LMBRD2: variants seen among roughly 807,000 people sequenced by gnomAD.
LMBRD2 encodes G protein-coupled receptor-associated protein LMBRD2.
In LMBRD2, 55 loss-of-function variants were observed where a neutral mutation model predicts 94.4. The ratio of observed to expected loss-of-function variants is 0.58; its 90% confidence interval spans 0.47 to 0.73. The LOEUF (loss-of-function observed/expected upper bound fraction) is 0.73, where lower values mean the gene tolerates loss of function less well. Ranked by LOEUF, LMBRD2 falls within the 30% of genes least tolerant of loss-of-function variation. The pLI is 0.00. For synonymous variants in LMBRD2, 246 were observed against 272.4 expected, an observed-to-expected ratio of 0.90 and a Z score of 0.95; for missense variants, 640 against 831.9, an observed-to-expected ratio of 0.77 and a Z score of 2.84.
intron 1 of LMBRD2, among the ~76,000 whole-genome samples, chr5:36,144,699 A>G (rs1294528856): frequency 1.3e-5 from 2 of 152,158 alleles, no homozygotes; most frequent in Non-Finnish European, 2.9e-5. Flanking sequence ...TAAATAAATA[A>G]ATAACAAAAT....
chr5:36,146,939 T>TGTGA (rs1561525362), intron 1 of LMBRD2, among the ~76,000 whole-genome samples: 1 of 122,134 alleles, frequency 8.2e-6, no homozygotes, highest in Non-Finnish European at 1.5e-5. Flanking sequence ...TGTGTGTGTG[T>TGTGA]GAGTGTGTGT....
intron 9 of LMBRD2, among the ~76,000 whole-genome samples, chr5:36,121,415 A>G (rs550466082): frequency 6.6e-6 from 1 of 152,360 alleles, no homozygotes; most frequent in African/African-American, 2.4e-5. Context: ...TAAAATAAAT[A>G]AGGTAAATAG....
At position 36,109,961 on chromosome 5, in the gene LMBRD2, CCTT is replaced by C. The variant is rs1328544387; in HGVS notation, c.1772_1774del (p.Glu591del). ...TGTACTTACTCTTCTTCGATTTTCACCTTCTTCTTGCCTTTGCCTTTTTCTCTT... is the reference window on the plus strand; with the variant it reads ...TGTACTTACTCTTCTTCGATTTTCACCTTCTTGCCTTTGCCTTTTTCTCTT... On this transcript the variant is annotated inframe_deletion, in exon 15 of 18. Transcript: ENST00000296603. 1.2e-6 allele frequency: 2 copies of C among 1,606,774 alleles called. No homozygotes were observed. Among genetic ancestry groups the C allele is most frequent in the Non-Finnish European group, 1.7e-6 (2 of 1,174,346 alleles).
rs1417198849 is a variant in LMBRD2, at chr5:36,099,735, A to G, written c.*4311T>C. 6.6e-6 allele frequency: 1 copy of G among 152,178 alleles called. No individual in the cohort carries two copies. The highest frequency in any genetic ancestry group is 1.5e-5 in the Non-Finnish European group (1 of 68,012). The allele number at this position is 152,178 out of a possible 1,614,324, so 9.4% of individuals were successfully genotyped here. A position where few individuals can be genotyped will look rare whatever the true frequency, so the allele number is the denominator to read the frequency against. On this transcript the variant is annotated 3_prime_UTR_variant, in exon 18 of 18. Transcript: ENST00000296603. ...ACCAAAAAAGGAAATATTTTCAGTG[A>G]AAAAAAGTTAATTTTTCCCAAGGAG... is the stretch of plus-strand genomic sequence containing the variant.
chr5:36,124,896 A>C (rs1440461838), intron 6 of LMBRD2, among the ~76,000 whole-genome samples: 1 of 152,106 alleles, frequency 6.6e-6, no homozygotes, highest in Non-Finnish European at 1.5e-5. Flanking sequence ...CAAAAATACA[A>C]ACATTAGCCA....
In LMBRD2 at chr5:36,100,561, G is replaced by A. The variant is rs1405444918; in HGVS notation, c.*3485C>T. ...AGAAAGGTATAAAGGAATGAGAGAG[G>A]ACATAAGAAAAGAAAGACAAAACCC... On this transcript the variant is annotated 3_prime_UTR_variant, in exon 18 of 18. Coordinates refer to ENST00000296603, the MANE Select transcript of LMBRD2 (RefSeq NM_001007527.2). 6.6e-6 allele frequency: 1 copy of A among 151,976 alleles called. No homozygotes were observed. Among genetic ancestry groups the A allele is most frequent in the East Asian group, 1.9e-4 (1 of 5,182 alleles). The allele number at this position is 151,976 out of a possible 1,614,324, so 9.4% of individuals were successfully genotyped here.
intron 1 of LMBRD2, among the ~76,000 whole-genome samples, chr5:36,150,417 T>C (rs1744664252): frequency 6.6e-6 from 1 of 152,260 alleles, no homozygotes; most frequent in South Asian, 2.1e-4. Context: ...ATTCTCATTA[T>C]GGCATCTTAA....
intron 7 of LMBRD2, among the ~76,000 whole-genome samples, chr5:36,123,740 T>C (rs903694819): frequency 1.1e-4 from 16 of 150,098 alleles, no homozygotes; most frequent in Non-Finnish European, 2.2e-4. Context: ...TATAGTTAAA[T>C]ATAGTATAGT....
chr5:36,111,282 A>G, intron 13 of LMBRD2, 24 bp from the exon 14 acceptor site: 1 of 1,418,640 alleles, frequency 7.0e-7, no homozygotes, highest in Non-Finnish European at 9.9e-7. Flanking sequence ...ATTTTTTAAA[A>G]AGACAAACAT....
At chr5:36,104,932 G>C in intron 17 of LMBRD2, 136 bp downstream of exon 17, 1 of 785,968 alleles carries the variant, frequency 1.3e-6, no homozygotes, top group Non-Finnish European at 2.0e-6. Flanking sequence ...TTTATTGTTA[G>C]TGAAAATGAA....
intron 6 of LMBRD2, among the ~76,000 whole-genome samples, chr5:36,135,659 A>C (rs921942578): frequency 6.6e-6 from 1 of 152,312 alleles, no homozygotes; most frequent in East Asian, 1.9e-4. Flanking sequence ...TTTCCCTGGG[A>C]AGCAAAAATG....
At position 36,136,404 on chromosome 5, in the gene LMBRD2, T is replaced by C; in HGVS notation, c.652A>G (p.Lys218Glu). ...GTTTTCATAAGTAGATAACCCCTTT[T>C]TGCTCCATTCCAGTATGATCGAGGA... Reference protein sequence around the residue: ...EIPRSYWNGAKRGYLLMKTYF... With the variant: ...EIPRSYWNGAERGYLLMKTYF... The change falls in exon 6 of 18, where the codon AAA (lysine) becomes GAA (glutamate). Residue 218 changes from lysine (K) to glutamate (E), a missense_variant. Around this residue, in one of 2 missense-constraint regions of LMBRD2, gnomAD observed 457 missense variants for 642.8 expected, o/e 0.71. Transcript: ENST00000296603. 1 of 1,614,100 alleles carries C rather than the reference T, an allele frequency of 6.2e-7. No homozygotes were observed. The highest frequency in any genetic ancestry group is 8.5e-7 in the Non-Finnish European group (1 of 1,179,944).
intron 7 of LMBRD2, 74 bp downstream of exon 7, chr5:36,124,117 C>A: frequency 1.2e-6 from 1 of 841,982 alleles, no homozygotes; most frequent in South Asian, 1.9e-5. Context: ...TGTTTTCATA[C>A]TTTTCTGGTA....
rs1260270569 is a variant in LMBRD2, at chr5:36,104,084, G to A, written c.2050C>T (p.Leu684Phe). The stretch of plus-strand genomic sequence containing the variant: ...AATATGTCACTGCGAGACATCGAGA[G>A]ATATCGTCCACCAGGCTGATACCTA... ...SGRYQPGGRY[L>F]SMSRSDIFND... Residue 684 changes from leucine (L) to phenylalanine (F), a missense_variant, in exon 18 of 18, where the codon CTC (leucine) becomes TTC (phenylalanine). This residue lies in a region of LMBRD2 where 183 missense variants were observed against 189.1 expected (regional missense o/e 0.97). Transcript: ENST00000296603. 1 of 1,610,544 alleles carries A rather than the reference G, an allele frequency of 6.2e-7. No homozygotes were observed. The highest frequency in any genetic ancestry group is 1.3e-5 in the African/African-American group (1 of 74,826).
In LMBRD2 at chr5:36,136,332, C is replaced by T; in HGVS notation, c.724G>A (p.Glu242Lys). ...ACCTCCATGGCATCTTCCAAATTCT[C>T]TTCTGCATCTGCTTTCTCTGTCATC... is the stretch of plus-strand genomic sequence containing the variant. ...KLMTEKADAE[E>K]NLEDAMEEVR... Residue 242 changes from glutamate to lysine, a missense_variant, in exon 6 of 18, where the codon GAG (glutamate) becomes AAG (lysine). Transcript: ENST00000296603. 1.2e-6 allele frequency: 2 copies of T among 1,614,066 alleles called. No homozygotes were observed. The highest frequency in any genetic ancestry group is 1.7e-6 in the Non-Finnish European group (2 of 1,179,908).
intron 6 of LMBRD2, among the ~76,000 whole-genome samples, chr5:36,131,311 C>A (rs978157847): frequency 1.3e-4 from 20 of 151,914 alleles, no homozygotes; most frequent in African/African-American, 4.8e-4. Context: ...CCCTAAAAAA[C>A]CCTGAATATA....
rs981678087 is a variant in LMBRD2 at position 36,099,244 on chromosome 5, G to A, written c.*4802C>T. 1 of 151,994 alleles carries A rather than the reference G, an allele frequency of 6.6e-6. No individual in the cohort carries two copies. The highest frequency in any genetic ancestry group is 1.5e-5 in the Non-Finnish European group (1 of 67,964). The allele number at this position is 151,994 out of a possible 1,614,324, so 9.4% of individuals were successfully genotyped here. A position where few individuals can be genotyped will look rare whatever the true frequency, so the allele number is the denominator to read the frequency against. ...CTATTTAAAAGCAATACTACAATTA[G>A]TTACTTACAAAAACATTTATAAAAA... On this transcript the variant is annotated 3_prime_UTR_variant, in exon 18 of 18. Coordinates refer to ENST00000296603, the MANE Select transcript of LMBRD2 (RefSeq NM_001007527.2).
At chr5:36,105,308 A>C (rs1477202689) in intron 16 of LMBRD2, 111 bp from the exon 17 acceptor site, 1 of 905,566 alleles carries the variant, frequency 1.1e-6, no homozygotes, top group East Asian at 2.5e-5. Flanking sequence ...TCTGAAGACA[A>C]AGAACATAAG....
rs764049415 is a variant in LMBRD2 at position 36,142,552 on chromosome 5, A to T, written c.222T>A (p.Pro74=). The T allele has an allele frequency of 6.2e-7, 1 of 1,611,970 alleles. No homozygotes were observed. The highest frequency in any genetic ancestry group is 1.1e-5 in the South Asian group (1 of 91,024). Residue 74 remains proline, a synonymous_variant, in exon 3 of 18, where the codon CCT becomes CCA. Transcript: ENST00000296603. ...ACAATCCTGTAATGTTGCTATTCTC[A>T]GGAGGGCTTGAATTTGCAGCAGCAT... ...CKHAAANSSP[P]ENSNITGLYA...
Sources: allele counts gnomAD v4.1 joint callset (sites outside exome capture counted in the v4.1 genomes callset), GRCh38; gene constraint gnomAD v4.1.1; regional missense constraint gnomAD v4.1.1; transcripts MANE v1.5; gene names NCBI Gene and HGNC (gene_info 2026-07-23, HGNC 2026-07-21).